Variants in MYH10 observed in about 807,000 individuals in gnomAD.
MYH10 encodes the protein myosin-10.
Under a neutral mutation model 257.8 loss-of-function variants are expected in MYH10, and 55 were observed. The observed-to-expected ratio is 0.21, with a 90% CI of 0.17 to 0.27. MYH10 has a LOEUF of 0.27. Among genes scored for constraint, MYH10 ranks in the 10% least tolerant of loss-of-function variants. The pLI is 1.00. For synonymous variants in MYH10, 854 were observed against 921.7 expected (o/e 0.93, Z 1.33); for missense variants, 1,631 against 2,500.6 (o/e 0.65, Z 7.42).
chr17:8,520,483 G>A (rs113313630), intron 19 of MYH10, among the ~76,000 whole-genome samples: 17,865 of 152,076 alleles, frequency 0.12, 1,356 homozygotes, highest in Admixed American at 0.17. Flanking sequence ...GTGACAGAGC[G>A]AAGACTCCAT....
intron 24 of MYH10, 91 bp from the exon 25 acceptor site, chr17:8,510,040 A>ATTT (rs35193113): frequency 0.41 from 369,291 of 903,820 alleles, 28,454 homozygotes; most frequent in Admixed American, 0.48. Flanking sequence ...TGAGATACTA[A>ATTT]TTTTTTTTTT....
chr17:8,573,537 C>T (rs996782427), intron 6 of MYH10, among the ~76,000 whole-genome samples: 2 of 152,090 alleles, frequency 1.3e-5, no homozygotes, highest in Admixed American at 6.5e-5. Flanking sequence ...AGAACTTAAT[C>T]GATTATTTTC....
At chr17:8,476,855 C>A in intron 42 of MYH10, 21 bp downstream of exon 42, 2 of 1,594,328 alleles carry the variant, frequency 1.3e-6, no homozygotes, top group East Asian at 2.2e-5. Flanking sequence ...CCTGTCAGCT[C>A]GGGGCCGCAT....
At position 8,504,665 on chromosome 17, in the gene MYH10, C is replaced by T. The variant is rs746516179; in HGVS notation, c.3599+29G>A. On this transcript the variant is annotated intron_variant, in intron 28 of 42. Coordinates refer to ENST00000360416, the MANE Select transcript of MYH10 (RefSeq NM_001256012.3). The surrounding 1 kb of genome is among the most constrained non-coding windows in gnomAD (Gnocchi z 5.6). The stretch of plus-strand genomic sequence containing the variant: ...GCTCGGTGGAGAGGTCGGCAGGCGC[C>T]CGGGCCCTGCTTCCTCTCCCACACT... 6.2e-7 allele frequency: 1 copy of T among 1,602,396 alleles called. No individual in the cohort carries two copies.
chr17:8,477,587 C>T lies in MYH10; in HGVS notation c.5707-539G>A, dbSNP rs985381775. Among the ~76,000 whole-genome samples, 3 of 152,138 alleles carry T rather than the reference C, an allele frequency of 2.0e-5. No individual in the cohort carries two copies. Among genetic ancestry groups the T allele is most frequent in the South Asian group, 2.1e-4 (1 of 4,826 alleles). The stretch of plus-strand genomic sequence containing the variant: ...GCCACACAGGCACTGGTCAGTGCTT[C>T]GTGGGTCCAGCGCACACCACCCTCA... On this transcript the variant is annotated intron_variant, in intron 41 of 42. Transcript: ENST00000360416. The surrounding 1 kb of genome is among the most constrained non-coding windows in gnomAD (Gnocchi z 4.2).
Position 8,478,316 on chromosome 17 carries a change from AGG to A in MYH10, c.5706+20_5706+21del. On this transcript the variant is annotated intron_variant, in intron 41 of 42. Coordinates refer to ENST00000360416, the MANE Select transcript of MYH10 (RefSeq NM_001256012.3). ...CAGTTCCTTTGCTCACGCGCTTCCC[AGG>A]GAGGCACTTCCTCGCGTACCTGCTC... is the stretch of plus-strand genomic sequence containing the variant. 6.2e-7 allele frequency: 1 copy of A among 1,601,196 alleles called. No individual in the cohort carries two copies. Among genetic ancestry groups the A allele is most frequent in the South Asian group, 1.1e-5 (1 of 90,778 alleles).
intron 21 of MYH10, among the ~76,000 whole-genome samples, chr17:8,515,022 G>C (rs968468012): frequency 1.3e-5 from 2 of 152,114 alleles, no homozygotes; most frequent in African/African-American, 4.8e-5. Flanking sequence ...ACACGGCTGC[G>C]CTCCCACCTA....
At chr17:8,578,900 G>A (rs553295883) in intron 4 of MYH10, among the ~76,000 whole-genome samples, 1 of 152,110 alleles carries the variant, frequency 6.6e-6, no homozygotes, top group Non-Finnish European at 1.5e-5. Context: ...TATATACCTT[G>A]CCAACGAATA....
chr17:8,611,326 T>C (rs951082397), intron 2 of MYH10, among the ~76,000 whole-genome samples: 4 of 152,226 alleles, frequency 2.6e-5, no homozygotes, highest in Non-Finnish European at 5.9e-5. Flanking sequence ...ATAAGCTTAA[T>C]GCCAGCCAGA....
rs1197229503 is a variant in MYH10 at position 8,561,258 on chromosome 17, G to T, written c.757-7240C>A. The T allele has an allele frequency of 1.5e-5, 14 of 958,254 alleles. No homozygotes were observed. In the South Asian group the frequency reaches 1.5e-4, roughly 10 times the overall value. 59.4% of individuals were successfully genotyped at this position (958,254 alleles called of 1,614,324 possible). On this transcript the variant is annotated intron_variant, in intron 7 of 42. Coordinates refer to ENST00000360416, the MANE Select transcript of MYH10 (RefSeq NM_001256012.3). ...ACAAAGAAAAGAAGGAACAAAGGTC[G>T]TGCTGAAAAGGGCCGCGGCCACGTG...
chr17:8,499,183 T>C (rs1167040384), intron 30 of MYH10, 87 bp downstream of exon 30: 3 of 1,353,394 alleles, frequency 2.2e-6, no homozygotes, highest in Non-Finnish European at 3.1e-6. Context: ...ACATTGGCCA[T>C]GGGTCTCTTA....
At chr17:8,565,304 G>A (rs1224289210) in intron 7 of MYH10, among the ~76,000 whole-genome samples, 1 of 152,068 alleles carries the variant, frequency 6.6e-6, no homozygotes, top group Non-Finnish European at 1.5e-5. Context: ...ATTTAAAAAT[G>A]AGTCTACAAC....
intron 14 of MYH10, among the ~76,000 whole-genome samples, chr17:8,537,455 G>A (rs2279747): frequency 0.011 from 1,691 of 152,304 alleles, 36 homozygotes; most frequent in East Asian, 0.11. Flanking sequence ...GAACCCTTCT[G>A]CAATGGAGAC....
At chr17:8,601,157 G>A (rs1005831449) in intron 3 of MYH10, among the ~76,000 whole-genome samples, 1 of 152,138 alleles carries the variant, frequency 6.6e-6, no homozygotes, top group African/African-American at 2.4e-5. Flanking sequence ...CAGGTCAACC[G>A]GGGTTGGTAG....
intron 16 of MYH10, among the ~76,000 whole-genome samples, chr17:8,533,771 C>G (rs1236146108): frequency 6.6e-6 from 1 of 152,174 alleles, no homozygotes; most frequent in African/African-American, 2.4e-5. Context: ...GCATTTATCA[C>G]AGATCCACTT....
At chr17:8,515,559 T>TTG (rs2081440533) in intron 21 of MYH10, among the ~76,000 whole-genome samples, 3 of 94,468 alleles carry the variant, frequency 3.2e-5, no homozygotes, top group East Asian at 6.8e-4. Context: ...TTTTTTTTTT[T>TTG]TGAGACAGAG....
intron 3 of MYH10, among the ~76,000 whole-genome samples, chr17:8,591,481 T>C (rs1332850362): frequency 6.6e-6 from 1 of 152,220 alleles, no homozygotes; most frequent in African/African-American, 2.4e-5. Flanking sequence ...ACCATGATTT[T>C]ACCACGTCTT....
chr17:8,509,718 C>G, intron 25 of MYH10, 94 bp downstream of exon 25: 4 of 1,205,612 alleles, frequency 3.3e-6, no homozygotes, highest in Non-Finnish European at 4.4e-6. Context: ...TGAGAAATTT[C>G]TGTTTGAGTT....
intron 3 of MYH10, 34 bp from the exon 4 acceptor site, chr17:8,589,142 A>G: frequency 6.2e-7 from 1 of 1,605,794 alleles, no homozygotes; most frequent in Non-Finnish European, 8.5e-7. Flanking sequence ...AAAAAAAAGA[A>G]AGTGACCATT....
Sources: allele counts gnomAD v4.1 joint callset (sites outside exome capture counted in the v4.1 genomes callset), GRCh38; gene constraint gnomAD v4.1.1; non-coding constraint Gnocchi (gnomAD v3.1); transcripts MANE v1.5; gene names NCBI Gene and HGNC (gene_info 2026-07-23, HGNC 2026-07-21).